Variants in FARS2 observed in about 807,000 individuals in gnomAD.
The protein encoded by FARS2 is phenylalanyl-tRNA synthetase 2, mitochondrial.
FARS2 carries 40 observed loss-of-function variants against 46.4 expected under a neutral mutation model. That is an observed-to-expected ratio of 0.86 (90% CI 0.67 to 1.12). The LOEUF is 1.12. FARS2 is among the 50% of genes most tolerant of loss of function. The pLI is 0.00. For synonymous variants in FARS2, 234 were observed against 214.9 expected (o/e 1.09, Z -0.78); for missense variants, 513 against 567.9 (o/e 0.90, Z 0.98).
intron 1 of FARS2, among the ~76,000 whole-genome samples, chr6:5,274,171 T>C (rs916178469): frequency 6.6e-6 from 1 of 152,172 alleles, no homozygotes; most frequent in African/African-American, 2.4e-5. Context: ...CCTGTAAAAA[T>C]TATTGAGTGA....
intron 1 of FARS2, among the ~76,000 whole-genome samples, chr6:5,267,011 G>A (rs1205016770): frequency 6.6e-6 from 1 of 152,020 alleles, no homozygotes; most frequent in Non-Finnish European, 1.5e-5. Context: ...GAGAAATCTT[G>A]AAAGCTATGA....
At chr6:5,485,937 C>T (rs1344399342) in intron 4 of FARS2, among the ~76,000 whole-genome samples, 35 of 152,346 alleles carry the variant, frequency 2.3e-4, no homozygotes, top group Non-Finnish European at 1.5e-5. Context: ...ACATTTCCCG[C>T]ACTCAGGAAG....
chr6:5,535,661 G>A (rs573256875), intron 4 of FARS2, among the ~76,000 whole-genome samples: 1 of 152,188 alleles, frequency 6.6e-6, no homozygotes, highest in South Asian at 2.1e-4. Context: ...TGTTGGTTGT[G>A]GGTTTTTCAC....
chr6:5,446,818 C>T (rs1764211725), intron 4 of FARS2, among the ~76,000 whole-genome samples: 1 of 152,032 alleles, frequency 6.6e-6, no homozygotes, highest in Admixed American at 6.5e-5. Context: ...TTAACACAGC[C>T]ATCATCTCAC....
intron 5 of FARS2, among the ~76,000 whole-genome samples, chr6:5,578,714 C>T (rs1466219549): frequency 2.1e-5 from 3 of 145,572 alleles, no homozygotes; most frequent in Admixed American, 7.1e-5. Flanking sequence ...GAGGCTGAGG[C>T]GGGAGAATGG....
intron 6 of FARS2, among the ~76,000 whole-genome samples, chr6:5,768,160 C>T (rs970736717): frequency 6.6e-6 from 1 of 152,150 alleles, no homozygotes; most frequent in Non-Finnish European, 1.5e-5. Flanking sequence ...GAAAATGAAG[C>T]CTTCTCTGTC....
intron 1 of FARS2, among the ~76,000 whole-genome samples, chr6:5,319,353 A>G (rs1443588617): frequency 6.6e-6 from 1 of 152,172 alleles, no homozygotes; most frequent in Non-Finnish European, 1.5e-5. Flanking sequence ...GCCTTCCTCT[A>G]GGAACACTCG....
chr6:5,587,493 A>T (rs1376391379), intron 5 of FARS2, among the ~76,000 whole-genome samples: 2 of 152,222 alleles, frequency 1.3e-5, no homozygotes, highest in East Asian at 3.8e-4. Flanking sequence ...ACCCATAATT[A>T]CAAGTTTTCA....
intron 4 of FARS2, among the ~76,000 whole-genome samples, chr6:5,435,097 C>T (rs973676809): frequency 2.0e-5 from 3 of 152,216 alleles, no homozygotes; most frequent in Non-Finnish European, 2.9e-5. Context: ...AATAGCTAGA[C>T]AGTGCTAGTG....
chr6:5,682,861 G>T (rs1315633040), intron 6 of FARS2, among the ~76,000 whole-genome samples: 3 of 152,246 alleles, frequency 2.0e-5, no homozygotes, highest in Non-Finnish European at 4.4e-5. Flanking sequence ...AGAGAGTGAA[G>T]TGAAAAGCAG....
intron 5 of FARS2, among the ~76,000 whole-genome samples, chr6:5,557,999 T>C (rs1771763899): frequency 6.6e-6 from 1 of 152,006 alleles, no homozygotes; most frequent in African/African-American, 2.4e-5. Flanking sequence ...AACCTAGGAG[T>C]TAGATCTTCA....
chr6:5,648,355 G>A (rs1356215550), intron 6 of FARS2, among the ~76,000 whole-genome samples: 1 of 152,134 alleles, frequency 6.6e-6, no homozygotes, highest in African/African-American at 2.4e-5. Flanking sequence ...AAGAATACAG[G>A]GTCCCCCCAG....
intron 4 of FARS2, among the ~76,000 whole-genome samples, chr6:5,521,089 ATC>A (rs1769104292): frequency 6.6e-6 from 1 of 151,674 alleles, no homozygotes; most frequent in South Asian, 2.1e-4. Flanking sequence ...GTTCTTAGAA[ATC>A]CTTCGTTTCC....
At chr6:5,462,249 T>A (rs1023612484) in intron 4 of FARS2, among the ~76,000 whole-genome samples, 5 of 152,186 alleles carry the variant, frequency 3.3e-5, no homozygotes, top group Non-Finnish European at 7.3e-5. Context: ...ATTGGATTAT[T>A]TGTCTTATTA....
intron 4 of FARS2, among the ~76,000 whole-genome samples, chr6:5,449,109 G>A (rs1381419220): frequency 5.3e-5 from 8 of 152,152 alleles, no homozygotes; most frequent in African/African-American, 1.9e-4. Context: ...AGCATTTTGG[G>A]AGGCCGAGGC....
chr6:5,678,598 C>T (rs1561794549), intron 6 of FARS2, among the ~76,000 whole-genome samples: 1 of 152,196 alleles, frequency 6.6e-6, no homozygotes, highest in Non-Finnish European at 1.5e-5. Flanking sequence ...GGAAGAGATT[C>T]ACCTCATTTC....
intron 6 of FARS2, among the ~76,000 whole-genome samples, chr6:5,714,344 C>G (rs944952896): frequency 6.6e-6 from 1 of 152,106 alleles, no homozygotes; most frequent in Non-Finnish European, 1.5e-5. Context: ...CTAATGGCAT[C>G]GCCAATGGGA....
chr6:5,291,756 TA>T (rs199840201), intron 1 of FARS2, among the ~76,000 whole-genome samples: 68 of 144,960 alleles, frequency 4.7e-4, no homozygotes, highest in South Asian at 1.3e-3. Context: ...ACCCATCTCT[TA>T]AAAAAAAAAA....
At chr6:5,438,968 G>T (rs2503837) in intron 4 of FARS2, among the ~76,000 whole-genome samples, 2,689 of 152,248 alleles carry the variant, frequency 0.018, 99 homozygotes, top group African/African-American at 0.062. Context: ...ATTTTGGATT[G>T]TATATTGCAC....
Sources: gnomAD v4.1 joint callset for allele counts (sites outside exome capture counted in the v4.1 genomes callset) on GRCh38, gnomAD v4.1.1 for gene constraint, MANE v1.5 for transcripts, NCBI Gene and HGNC (gene_info 2026-07-23, HGNC 2026-07-21) for gene names.